The following CNTNAP4 variants were observed in gnomAD, a reference collection of about 807,000 sequenced individuals.
CNTNAP4 encodes the protein contactin associated protein family member 4, also known as contactin-associated protein-like 4.
A neutral mutation model predicts 148.4 loss-of-function variants in CNTNAP4; 98 were observed. The ratio of observed to expected loss-of-function variants is 0.66; its 90% CI spans 0.56 to 0.78. The LOEUF is 0.78. Among genes scored for constraint, CNTNAP4 ranks in the 30% least tolerant of loss-of-function variants. The pLI, the probability that CNTNAP4 is intolerant of heterozygous loss-of-function variation, is 0.00. For missense variants in CNTNAP4, 1,935 were observed against 1,565.6 expected (o/e 1.24, Z -3.98); for synonymous variants, 730 against 565.1 (o/e 1.29, Z -4.14).
intron 9 of CNTNAP4, among the ~76,000 whole-genome samples, chr16:76,463,892 C>T (rs1269605655): frequency 6.6e-6 from 1 of 152,164 alleles, no homozygotes; most frequent in African/African-American, 2.4e-5. Context: ...AAAATTCCAA[C>T]TTCAGGGCTT....
chr16:76,355,613 C>T, intron 3 of CNTNAP4, 102 bp downstream of exon 3: 1 of 778,900 alleles, frequency 1.3e-6, no homozygotes, highest in Non-Finnish European at 1.9e-6. Context: ...ACAGAATCTG[C>T]AGACTTACAT....
intron 1 of CNTNAP4, among the ~76,000 whole-genome samples, chr16:76,292,424 A>T (rs1959151661): frequency 6.6e-6 from 1 of 151,522 alleles, no homozygotes; most frequent in Non-Finnish European, 1.5e-5. Flanking sequence ...CCTTTCACTC[A>T]TCAATTGGTC....
At chr16:76,284,510 A>G (rs973436200) in intron 1 of CNTNAP4, among the ~76,000 whole-genome samples, 5 of 152,024 alleles carry the variant, frequency 3.3e-5, no homozygotes, top group South Asian at 2.1e-4. Flanking sequence ...TAGTTTACCC[A>G]GAAGATTAAC....
intron 21 of CNTNAP4, among the ~76,000 whole-genome samples, chr16:76,549,642 A>G (rs2084881566): frequency 6.6e-6 from 1 of 151,348 alleles, no homozygotes; most frequent in Admixed American, 6.6e-5. Flanking sequence ...AAGCAAAAAA[A>G]AGACCTTGAG....
At chr16:76,308,925 A>G (rs1364717093) in intron 1 of CNTNAP4, among the ~76,000 whole-genome samples, 1 of 151,464 alleles carries the variant, frequency 6.6e-6, no homozygotes, top group Non-Finnish European at 1.5e-5. Flanking sequence ...CCTGGGCTCA[A>G]GAGACCCTCC....
intron 21 of CNTNAP4, among the ~76,000 whole-genome samples, chr16:76,551,438 C>A (rs1383050970): frequency 6.6e-6 from 1 of 150,376 alleles, no homozygotes; most frequent in Non-Finnish European, 1.5e-5. Context: ...CTCAGATGCC[C>A]AGGGTTAGTT....
intron 2 of CNTNAP4, among the ~76,000 whole-genome samples, chr16:76,323,580 T>C (rs1962656500): frequency 6.6e-6 from 1 of 152,196 alleles, no homozygotes; most frequent in Non-Finnish European, 1.5e-5. Flanking sequence ...GAATCACTTC[T>C]ATTTTTGTGT....
At chr16:76,382,531 A>C (rs1206653663) in intron 3 of CNTNAP4, among the ~76,000 whole-genome samples, 1 of 152,188 alleles carries the variant, frequency 6.6e-6, no homozygotes, top group African/African-American at 2.4e-5. Flanking sequence ...AATAATTTTC[A>C]ATTTAAGAGA....
At chr16:76,471,539 A>G (rs1326734095) in intron 10 of CNTNAP4, among the ~76,000 whole-genome samples, 1 of 151,632 alleles carries the variant, frequency 6.6e-6, no homozygotes, top group Non-Finnish European at 1.5e-5. Context: ...ATCCACCCCT[A>G]CTATCCAGCC....
At chr16:76,498,482 A>T (rs1389370367) in intron 14 of CNTNAP4, 85 bp from the exon 15 acceptor site, 5 of 1,201,608 alleles carry the variant, frequency 4.2e-6, no homozygotes, top group Non-Finnish European at 5.9e-6. Flanking sequence ...GTAGGTGCAA[A>T]TTTAGTTCAG....
chr16:76,493,900 G>C (rs1022575536), intron 13 of CNTNAP4, among the ~76,000 whole-genome samples: 3 of 152,170 alleles, frequency 2.0e-5, no homozygotes, highest in Admixed American at 1.3e-4. Flanking sequence ...ATGAGCATTG[G>C]CATTTATAAG....
intron 12 of CNTNAP4, among the ~76,000 whole-genome samples, chr16:76,483,610 G>A (rs983975843): frequency 9.9e-5 from 15 of 152,104 alleles, no homozygotes; most frequent in Non-Finnish European, 2.2e-4. Context: ...AGGAGCACTC[G>A]ACAACATTTC....
At chr16:76,310,710 G>T (rs1465259058) in intron 1 of CNTNAP4, among the ~76,000 whole-genome samples, 1 of 152,114 alleles carries the variant, frequency 6.6e-6, no homozygotes, top group Non-Finnish European at 1.5e-5. Flanking sequence ...TAGCAGGCAT[G>T]CAACTAATTT....
At chr16:76,327,664 A>G (rs1400869253) in intron 2 of CNTNAP4, among the ~76,000 whole-genome samples, 1 of 152,150 alleles carries the variant, frequency 6.6e-6, no homozygotes, top group Non-Finnish European at 1.5e-5. Flanking sequence ...CTCCTCTGAT[A>G]TTGATGGATG....
intron 13 of CNTNAP4, among the ~76,000 whole-genome samples, chr16:76,492,647 C>A (rs1364859343): frequency 6.6e-6 from 1 of 152,106 alleles, no homozygotes; most frequent in African/African-American, 2.4e-5. Flanking sequence ...GCAGTTTCCT[C>A]CATACTGTTC....
chr16:76,425,726 A>G (rs190499896), intron 3 of CNTNAP4, among the ~76,000 whole-genome samples: 126 of 152,314 alleles, frequency 8.3e-4, no homozygotes, highest in African/African-American at 3.0e-3. Context: ...TTCAGAGCAG[A>G]ATGGACTGCT....
chr16:76,392,405 G>C (rs2078056233), intron 3 of CNTNAP4, among the ~76,000 whole-genome samples: 1 of 152,014 alleles, frequency 6.6e-6, no homozygotes, highest in African/African-American at 2.4e-5. Flanking sequence ...CCACAAACCT[G>C]GATATTAAGT....
chr16:76,348,785 G>A (rs766350606), intron 2 of CNTNAP4, among the ~76,000 whole-genome samples: 4 of 151,632 alleles, frequency 2.6e-5, no homozygotes, highest in Non-Finnish European at 5.9e-5. Flanking sequence ...GGCCCAAGAA[G>A]GAATGGGGTG....
intron 3 of CNTNAP4, among the ~76,000 whole-genome samples, chr16:76,395,267 A>G (rs546318940): frequency 3.7e-5 from 5 of 135,210 alleles, no homozygotes; most frequent in Non-Finnish European, 8.3e-5. Flanking sequence ...CAGGCCAAAG[A>G]TTCTTTTTTT....
Sources: allele counts gnomAD v4.1 joint callset (sites outside exome capture counted in the v4.1 genomes callset), GRCh38; gene constraint gnomAD v4.1.1; transcripts MANE v1.5; gene names NCBI Gene and HGNC (gene_info 2026-07-23, HGNC 2026-07-21).